Variants in LILRB2 observed in about 807,000 individuals in gnomAD.
The protein encoded by LILRB2 is leukocyte immunoglobulin like receptor B2.
LILRB2 carries 47 observed loss-of-function variants against 72.7 expected under a neutral mutation model. That is an observed-to-expected ratio of 0.65 (90% confidence interval 0.51 to 0.82). The LOEUF (loss-of-function observed/expected upper bound fraction) is 0.82. Ranked by LOEUF, LILRB2 falls within the 40% of genes least tolerant of loss-of-function variation. LILRB2 has a pLI of 0.00. For synonymous variants in LILRB2, 279 were observed against 313.7 expected (o/e 0.89, Z 1.17); for missense variants, 767 against 764.8 (o/e 1.00, Z -0.03).
At chr19:54,277,818 T>A in intron 8 of LILRB2, 71 bp downstream of exon 8, 1 of 1,374,778 alleles carries the variant, frequency 7.3e-7, no homozygotes, top group East Asian at 2.5e-5. Context: ...GGGAATGGGA[T>A]CCTCCTGGAC....
Position 54,279,859 on chromosome 19 carries a change from T to C in LILRB2, c.287A>G (p.Tyr96Cys). ...AGCGCGGCTGTAATACTGACAGCCATATCGCCCTGTGTGTTCCCAGGTGAT... is the reference window on the plus strand; with the variant it reads ...AGCGCGGCTGTAATACTGACAGCCACATCGCCCTGTGTGTTCCCAGGTGAT... The part of the protein sequence containing the change: ...PSITWEHTGR[Y>C]GCQYYSRARW... The change falls in exon 4 of 14, where the codon TAT becomes TGT. Residue 96 changes from tyrosine (Y) to cysteine (C), a missense_variant. By Grantham distance (194) the Tyr-to-Cys change is radical. Transcript: ENST00000314446. The C allele has an allele frequency of 6.2e-7, 1 of 1,614,128 alleles. No homozygotes were observed. The highest frequency in any genetic ancestry group is 8.5e-7 in the Non-Finnish European group (1 of 1,180,006).
intron 7 of LILRB2, 92 bp downstream of exon 7, chr19:54,278,168 C>T: frequency 2.0e-6 from 3 of 1,536,194 alleles, no homozygotes; most frequent in Non-Finnish European, 1.8e-6. Flanking sequence ...CGCTCAGACC[C>T]CCGCTCACTC....
rs746132974 is a variant in LILRB2 at position 54,276,361 on chromosome 19, G to A, written c.1556+20C>T. 6 of 1,609,126 alleles carry A rather than the reference G, an allele frequency of 3.7e-6. No homozygotes were observed. The highest frequency in any genetic ancestry group is 5.1e-6 in the Non-Finnish European group (6 of 1,176,024). ...TGGGCCACGAGCAGGTGGGAGTCTG[G>A]GGTCTTCGGGCAGAATTACCTCCAC... is the stretch of plus-strand genomic sequence containing the variant. On this transcript the variant is annotated intron_variant, in intron 11 of 13. Transcript: ENST00000314446.
Position 54,275,020 on chromosome 19 carries a change from A to C in LILRB2, c.1648-191T>G. 1.9e-6 allele frequency: 3 copies of C among 1,606,872 alleles called. No individual in the cohort carries two copies. The South Asian group carries it at 3.3e-5, about 18-fold the overall frequency. On this transcript the variant is annotated intron_variant, in intron 13 of 13. Coordinates refer to ENST00000314446, the MANE Select transcript of LILRB2 (RefSeq NM_001080978.4). ...TTCTCTCCTAGGTCTGGAGTGTTTC[A>C]CCGGGGCATATGTCACTGCCTGGGG...
chr19:54,274,470 T>C lies in LILRB2; in HGVS notation c.*213A>G. 3 of 860,438 alleles carry C rather than the reference T, an allele frequency of 3.5e-6. No individual in the cohort carries two copies. The highest frequency in any genetic ancestry group is 5.2e-6 in the Non-Finnish European group (3 of 578,616). The allele number at this position is 860,438 out of a possible 1,614,324, so 53.3% of individuals were successfully genotyped here. The stretch of plus-strand genomic sequence containing the variant: ...TTTTCTCGGTTAACTCATTGATTAT[T>C]GAGAAGTCTGTTGCTTTAATTAAAA... On this transcript the variant is annotated 3_prime_UTR_variant, in exon 14 of 14. Coordinates refer to ENST00000314446, the MANE Select transcript of LILRB2 (RefSeq NM_001080978.4).
At chr19:54,277,394 T>C (rs956486290) in intron 9 of LILRB2, 156 bp downstream of exon 9, 30 of 1,283,566 alleles carry the variant, frequency 2.3e-5, no homozygotes, top group Middle Eastern at 2.7e-4. Context: ...CTTTCCCACC[T>C]GCAGGCCTCT....
intron 5 of LILRB2, 85 bp downstream of exon 5, chr19:54,279,260 A>T: frequency 7.5e-7 from 1 of 1,337,908 alleles, no homozygotes; most frequent in Non-Finnish European, 9.9e-7. Context: ...CCCACCTGGA[A>T]CTGCCCTGAG....
intron 8 of LILRB2, 126 bp from the exon 9 acceptor site, chr19:54,277,723 C>G (rs1279978660): frequency 2.2e-6 from 3 of 1,365,234 alleles, no homozygotes; most frequent in Non-Finnish European, 3.0e-6. Flanking sequence ...CTCACCAGCC[C>G]AGCCTCAGAG....
rs1445461449 is a variant in LILRB2, at chr19:54,280,002, A to T, written c.144T>A (p.Ser48Arg). 6.2e-7 allele frequency: 1 copy of T among 1,613,598 alleles called. No individual in the cohort carries two copies. Among genetic ancestry groups the T allele is most frequent in the African/African-American group, 1.3e-5 (1 of 74,758 alleles). The change falls in exon 4 of 14, where the codon AGT (serine) becomes AGA (arginine). Residue 48 changes from serine to arginine, a missense_variant. Ser to Arg is a moderately radical substitution (Grantham distance 110, BLOSUM62 -1). Around this residue, in one of 3 missense-constraint regions of LILRB2, gnomAD observed 599 missense variants for 568.2 expected, o/e 1.05. Transcript: ENST00000314446. ...CCTGGGCTTCAAGGCTCCCCTGACA[A>T]CTGAGGGTGACGGGACTCCCCTGGG... Reference protein sequence around the residue: ...VITQGSPVTLSCQGSLEAQEY... With the variant: ...VITQGSPVTLRCQGSLEAQEY...
At chr19:54,277,962 G>C in intron 7 of LILRB2, 23 bp from the exon 8 acceptor site, 1 of 1,477,968 alleles carries the variant, frequency 6.8e-7, no homozygotes, top group Non-Finnish European at 9.0e-7. Flanking sequence ...ATGAGAGGAG[G>C]GTGAGGAGCT....
rs769903160 is a variant in LILRB2, at chr19:54,276,365, C to T, written c.1556+16G>A. 3.7e-6 allele frequency: 6 copies of T among 1,608,530 alleles called. No homozygotes were observed. Among genetic ancestry groups the T allele is most frequent in the South Asian group, 2.2e-5 (2 of 90,970 alleles). On this transcript the variant is annotated intron_variant, in intron 11 of 13. Transcript: ENST00000314446. The stretch of plus-strand genomic sequence containing the variant: ...CCACGAGCAGGTGGGAGTCTGGGGT[C>T]TTCGGGCAGAATTACCTCCACTGCA...
At chr19:54,280,419 G>C in intron 2 of LILRB2, 44 bp downstream of exon 2, 1 of 1,614,034 alleles carries the variant, frequency 6.2e-7, no homozygotes, top group Non-Finnish European at 8.5e-7. Context: ...TGTGGGGTGA[G>C]GTCCCTCCTA....
rs1236961710 is a variant in LILRB2 at position 54,280,468 on chromosome 19, C to T, written c.29G>A (p.Cys10Tyr). Residue 10 changes from cysteine to tyrosine, a missense_variant, in exon 2 of 14, where the codon TGT becomes TAT. This residue lies in a region of LILRB2 where 599 missense variants were observed against 568.2 expected (regional missense o/e 1.05). Transcript: ENST00000314446. ...CCTCTCTCTTCAAATCTCACCGAGA[C>T]AGATCAGGACTGTGACGATGGGGGT... MTPIVTVLI[C>Y]LGLSLGPRTR... 1.2e-6 allele frequency: 2 copies of T among 1,614,022 alleles called. No individual in the cohort carries two copies. Among genetic ancestry groups the T allele is most frequent in the Admixed American group, 3.3e-5 (2 of 60,008 alleles).
At chr19:54,279,147 C>T in intron 5 of LILRB2, 39 bp from the exon 6 acceptor site, 2 of 1,591,434 alleles carry the variant, frequency 1.3e-6, no homozygotes, top group Non-Finnish European at 1.7e-6. Flanking sequence ...AGCCGACCCT[C>T]AGGCTTCCCC....
chr19:54,277,220 G>A (rs2080276508), intron 9 of LILRB2: 2 of 1,536,546 alleles, frequency 1.3e-6, no homozygotes, highest in African/African-American at 1.4e-5. Flanking sequence ...CAGGGAAAGA[G>A]CCTTACCGTC....
chr19:54,278,419 G>T lies in LILRB2; in HGVS notation c.1099C>A (p.Arg367Ser). The change falls in exon 7 of 14, where the codon CGT becomes AGT. Residue 367 changes from arginine (R) to serine (S), a missense_variant. Arg to Ser is a moderately radical substitution (Grantham distance 110). Coordinates refer to ENST00000314446, the MANE Select transcript of LILRB2 (RefSeq NM_001080978.4). The part of the protein sequence containing the change: ...TKAGAADAPL[R>S]LRSIHEYPKY... Reference sequence around the variant, plus strand: ...GGATATTCGTGTATTGATCTTAGACGGAGTGGGGCATCAGCTGCTCCCGCC... The same window carrying T: ...GGATATTCGTGTATTGATCTTAGACTGAGTGGGGCATCAGCTGCTCCCGCC... The T allele has an allele frequency of 6.2e-7, 1 of 1,614,184 alleles. No homozygotes were observed. The highest frequency in any genetic ancestry group is 2.2e-5 in the East Asian group (1 of 44,884).
intron 10 of LILRB2, 41 bp downstream of exon 10, chr19:54,276,766 C>T: frequency 6.2e-7 from 1 of 1,600,518 alleles, no homozygotes; most frequent in Non-Finnish European, 8.5e-7. Flanking sequence ...GCCCTGAGCC[C>T]ACCCTCGGTC....
chr19:54,279,303 G>C, intron 5 of LILRB2, 42 bp downstream of exon 5: 1 of 1,584,248 alleles, frequency 6.3e-7, no homozygotes, highest in East Asian at 2.2e-5. Context: ...TGGAGACTCA[G>C]GGAGACTCAG....
Position 54,279,985 on chromosome 19 carries a change from T to C in LILRB2, c.161A>G (p.Glu54Gly). 6.2e-7 allele frequency: 1 copy of C among 1,614,130 alleles called. No homozygotes were observed. The change falls in exon 4 of 14, where the codon GAA becomes GGA. Residue 54 changes from glutamate to glycine, a missense_variant. Glu to Gly is a moderately conservative substitution (Grantham distance 98). Transcript: ENST00000314446. ...CCTATATAGACGGTACTCCTGGGCT[T>C]CAAGGCTCCCCTGACAACTGAGGGT... is the stretch of plus-strand genomic sequence containing the variant. ...PVTLSCQGSLEAQEYRLYREK... is the reference protein window; with the variant it reads ...PVTLSCQGSLGAQEYRLYREK...
Sources: allele counts gnomAD v4.1 joint callset, GRCh38; gene constraint gnomAD v4.1.1; regional missense constraint gnomAD v4.1.1; transcripts MANE v1.5; gene names NCBI Gene and HGNC (gene_info 2026-07-23, HGNC 2026-07-21).